PKHD1: variants seen among roughly 807,000 people sequenced by gnomAD.
PKHD1 encodes the protein PKHD1 ciliary IPT domain containing fibrocystin/polyductin, also known as fibrocystin.
Under a neutral mutation model 412.0 loss-of-function variants are expected in PKHD1, and 291 were observed. The ratio of observed to expected loss-of-function variants is 0.71; its 90% CI spans 0.64 to 0.78. PKHD1 has a LOEUF of 0.78. Among genes scored for constraint, PKHD1 ranks in the 30% least tolerant of loss-of-function variants. The pLI is 0.00. For synonymous variants in PKHD1, 1,777 were observed against 1,821.5 expected, an observed-to-expected ratio of 0.98 and a Z score of 0.62; for missense variants, 4,825 against 4,950.7, an observed-to-expected ratio of 0.97 and a Z score of 0.76.
At chr6:51,843,278 G>A (rs948549464) in intron 50 of PKHD1, among the ~76,000 whole-genome samples, 5 of 152,156 alleles carry the variant, frequency 3.3e-5, no homozygotes, top group African/African-American at 1.2e-4. Context: ...AGAGAGTGGG[G>A]TGTCAGCAGA....
intron 36 of PKHD1, among the ~76,000 whole-genome samples, chr6:51,950,210 G>GAAAAAAAAAAA (rs574963733): frequency 8.8e-6 from 1 of 113,152 alleles, no homozygotes. Context: ...GCAATATAGA[G>GAAAAAAAAAAA]AAAAAAAAAA....
intron 23 of PKHD1, among the ~76,000 whole-genome samples, chr6:52,046,600 T>A (rs1021228933): frequency 9.9e-5 from 15 of 152,004 alleles, no homozygotes; most frequent in Admixed American, 7.9e-4. Context: ...TCACAGGGAG[T>A]GAGGGAGGCG....
At chr6:52,070,718 C>T (rs1362937931) in intron 9 of PKHD1, among the ~76,000 whole-genome samples, 2 of 152,094 alleles carry the variant, frequency 1.3e-5, no homozygotes, top group South Asian at 4.1e-4. Context: ...GCCCAGGCTT[C>T]GAGTTAGATG....
intron 10 of PKHD1, among the ~76,000 whole-genome samples, chr6:52,069,940 T>C (rs536459049): frequency 1.3e-5 from 2 of 152,302 alleles, no homozygotes; most frequent in African/African-American, 2.4e-5. Flanking sequence ...CCCTACGCTT[T>C]TAACAGAAAC....
chr6:51,970,406 T>C (rs763267629), intron 35 of PKHD1, among the ~76,000 whole-genome samples: 1 of 152,250 alleles, frequency 6.6e-6, no homozygotes, highest in Non-Finnish European at 1.5e-5. Flanking sequence ...AGGTTATCTG[T>C]TCATTATGTT....
chr6:51,923,225 C>A (rs148340372), intron 37 of PKHD1, among the ~76,000 whole-genome samples: 16 of 152,170 alleles, frequency 1.1e-4, no homozygotes, highest in Non-Finnish European at 2.2e-4. Context: ...AGATAACTGA[C>A]AAACTATATC....
At chr6:51,986,960 T>C (rs1796295064) in intron 35 of PKHD1, among the ~76,000 whole-genome samples, 1 of 152,182 alleles carries the variant, frequency 6.6e-6, no homozygotes, top group East Asian at 1.9e-4. Flanking sequence ...GAAACAAGTA[T>C]AATAGCCGAT....
chr6:51,896,969 A>C (rs1036795719), intron 43 of PKHD1, among the ~76,000 whole-genome samples: 2 of 151,968 alleles, frequency 1.3e-5, no homozygotes, highest in Non-Finnish European at 2.9e-5. Context: ...GAGAAAAAAG[A>C]ATAAAAAGAA....
intron 36 of PKHD1, among the ~76,000 whole-genome samples, chr6:51,948,194 A>C (rs1215442633): frequency 6.6e-6 from 1 of 152,092 alleles, no homozygotes; most frequent in Non-Finnish European, 1.5e-5. Context: ...CCTCTACCTC[A>C]GGGTTAATTC....
chr6:51,682,552 G>T (rs1776831722), intron 60 of PKHD1, among the ~76,000 whole-genome samples: 1 of 152,040 alleles, frequency 6.6e-6, no homozygotes. Flanking sequence ...GCTTTAATAT[G>T]GGTGAAAAAT....
intron 43 of PKHD1, among the ~76,000 whole-genome samples, chr6:51,902,582 A>G (rs750255110): frequency 1.3e-5 from 2 of 152,334 alleles, no homozygotes; most frequent in South Asian, 2.1e-4. Flanking sequence ...ACAGATGATC[A>G]GTGAGAAAGA....
chr6:51,748,036 T>C lies in PKHD1; in HGVS notation c.9580A>G (p.Lys3194Glu), dbSNP rs759448380. ...YVFSAPQNSVKKVQIVLRNSV... is the reference protein window; with the variant it reads ...YVFSAPQNSVEKVQIVLRNSV... The stretch of plus-strand genomic sequence containing the variant: ...TTCCTAAGCACAATCTGCACTTTTT[T>C]GACGGAATTTTGTGGAGCAGAAAAT... The change falls in exon 58 of 67, where the codon AAA becomes GAA. Residue 3194 changes from lysine to glutamate, a missense_variant. Physicochemically the swap from Lys to Glu is moderately conservative, Grantham distance 56. Transcript: ENST00000371117. 9.3e-6 allele frequency: 15 copies of C among 1,614,008 alleles called. No individual in the cohort carries two copies. Among genetic ancestry groups the C allele is most frequent in the Non-Finnish European group, 1.2e-5 (14 of 1,179,998 alleles).
chr6:52,067,704 AG>A (rs1390884103), intron 11 of PKHD1, among the ~76,000 whole-genome samples: 1 of 152,178 alleles, frequency 6.6e-6, no homozygotes, highest in Non-Finnish European at 1.5e-5. Context: ...TTAAAGCAAA[AG>A]ATAGCCTGAG....
In PKHD1 at chr6:51,635,536, C is replaced by G. The variant is rs147567937; in HGVS notation, c.11507-2813G>C. On this transcript the variant is annotated intron_variant, in intron 64 of 66. Coordinates refer to ENST00000371117, the MANE Select transcript of PKHD1 (RefSeq NM_138694.4). ...GTCAAACTAAGCAGAATCTCTGTCC[C>G]TTTGGAACTTTGGTCTCAATGGAGG... Among the ~76,000 whole-genome samples the G allele has an allele frequency of 4.4e-4, 67 of 152,218 alleles. 3 individuals are homozygous for G. The East Asian group carries it at 0.013, about 29-fold the overall frequency.
In PKHD1 at chr6:51,846,026, A is replaced by C. The variant is rs998705821; in HGVS notation, c.8107+1749T>G. On this transcript the variant is annotated intron_variant, in intron 50 of 66. Coordinates refer to ENST00000371117, the MANE Select transcript of PKHD1 (RefSeq NM_138694.4). ...GCCATAAAGTTAATGGTAACTATTTACTCTTATTTATGGCTGTATTCGGCT... is the reference window on the plus strand; with the variant it reads ...GCCATAAAGTTAATGGTAACTATTTCCTCTTATTTATGGCTGTATTCGGCT... 3.9e-5 allele frequency among the ~76,000 whole-genome samples: 6 copies of C among 152,142 alleles called. No individual in the cohort carries two copies. The East Asian group carries it at 9.6e-4, about 24-fold the overall frequency.
intron 52 of PKHD1, among the ~76,000 whole-genome samples, chr6:51,807,719 A>G (rs2151376447): frequency 6.6e-6 from 1 of 152,134 alleles, no homozygotes; most frequent in South Asian, 2.1e-4. Context: ...CCAAGCATGT[A>G]TTTTACATAT....
At chr6:51,961,231 T>A (rs369339401) in intron 35 of PKHD1, among the ~76,000 whole-genome samples, 1 of 152,108 alleles carries the variant, frequency 6.6e-6, no homozygotes, top group African/African-American at 2.4e-5. Flanking sequence ...ATTTCTGAGA[T>A]AGAAAATGGA....
chr6:51,666,984 G>A (rs1383226204), intron 60 of PKHD1, among the ~76,000 whole-genome samples: 1 of 149,864 alleles, frequency 6.7e-6, no homozygotes, highest in Non-Finnish European at 1.5e-5. Context: ...TTGCTATTGT[G>A]AATAATGCCG....
rs776840117 is a variant in PKHD1, at chr6:52,043,655, G to C, written c.2791C>G (p.Pro931Ala). 6.2e-7 allele frequency: 1 copy of C among 1,612,842 alleles called. No individual in the cohort carries two copies. The highest frequency in any genetic ancestry group is 8.5e-7 in the Non-Finnish European group (1 of 1,178,962). The change falls in exon 26 of 67, where the codon CCC (proline) becomes GCC (alanine). Residue 931 changes from proline (P) to alanine (A), a missense_variant. By Grantham distance (27) the Pro-to-Ala change is conservative (BLOSUM62 -1). Transcript: ENST00000371117. ...CSFQYLQGST[P>A]CVHSVWYSID... ...GAGTACCACACAGAATGGACACAGG[G>C]AGTTGACCCTTGGAGGTACTGGAAA...
Sources: gnomAD v4.1 joint callset for allele counts (sites outside exome capture counted in the v4.1 genomes callset) on GRCh38, gnomAD v4.1.1 for gene constraint, MANE v1.5 for transcripts, NCBI Gene and HGNC (gene_info 2026-07-23, HGNC 2026-07-21) for gene names.